Variants in CNTNAP2 observed in about 807,000 individuals in gnomAD.
CNTNAP2 encodes contactin associated protein 2.
In CNTNAP2, 98 loss-of-function variants were observed where a neutral mutation model predicts 155.2. That is an observed-to-expected ratio of 0.63 (90% CI 0.54 to 0.75). CNTNAP2 has a LOEUF of 0.75. Ranked by LOEUF, CNTNAP2 falls within the 30% of genes least tolerant of loss-of-function variation. The pLI is 0.00. For missense variants in CNTNAP2, 1,727 were observed against 1,688.1 expected, an observed-to-expected ratio of 1.02 and a Z score of -0.40; for synonymous variants, 651 against 631.2, an observed-to-expected ratio of 1.03 and a Z score of -0.47.
At chr7:146,921,902 G>T (rs1585158894) in intron 3 of CNTNAP2, among the ~76,000 whole-genome samples, 1 of 152,110 alleles carries the variant, frequency 6.6e-6, no homozygotes, top group Admixed American at 6.6e-5. Flanking sequence ...GTCATTCTAG[G>T]TCCTAGACAG....
At chr7:147,656,680 A>G (rs1341722612) in intron 13 of CNTNAP2, among the ~76,000 whole-genome samples, 1 of 152,176 alleles carries the variant, frequency 6.6e-6, no homozygotes, top group Admixed American at 6.5e-5. Flanking sequence ...ACCATAACAG[A>G]TGTAATAATA....
intron 1 of CNTNAP2, among the ~76,000 whole-genome samples, chr7:146,254,396 A>T (rs1483616010): frequency 6.6e-6 from 1 of 152,246 alleles, no homozygotes; most frequent in African/African-American, 2.4e-5. Context: ...CACATGCCAT[A>T]TTTAAATGTC....
At chr7:147,384,937 C>A (rs771469984) in intron 9 of CNTNAP2, among the ~76,000 whole-genome samples, 3 of 152,012 alleles carry the variant, frequency 2.0e-5, no homozygotes, top group Non-Finnish European at 2.9e-5. Flanking sequence ...CATGACTGAG[C>A]AATTTACAAA....
At chr7:147,410,320 T>C (rs1296490029) in intron 10 of CNTNAP2, among the ~76,000 whole-genome samples, 1 of 152,182 alleles carries the variant, frequency 6.6e-6, no homozygotes, top group African/African-American at 2.4e-5. Context: ...TTCTCACTTA[T>C]AAGTGGGAGC....
chr7:147,422,442 TTCA>T (rs1329787196), intron 10 of CNTNAP2, among the ~76,000 whole-genome samples: 1 of 151,918 alleles, frequency 6.6e-6, no homozygotes, highest in Non-Finnish European at 1.5e-5. Flanking sequence ...GATTATATAA[TTCA>T]TAATATTTAA....
At chr7:147,909,117 C>A (rs1800017674) in intron 14 of CNTNAP2, among the ~76,000 whole-genome samples, 1 of 151,826 alleles carries the variant, frequency 6.6e-6, no homozygotes, top group Non-Finnish European at 1.5e-5. Context: ...TAAATTGGGG[C>A]CCTGAAAAAT....
At chr7:147,056,717 G>A (rs1049063099) in intron 4 of CNTNAP2, among the ~76,000 whole-genome samples, 1 of 152,176 alleles carries the variant, frequency 6.6e-6, no homozygotes, top group African/African-American at 2.4e-5. Context: ...GAGTAATACA[G>A]TGGGGCAAAT....
intron 1 of CNTNAP2, among the ~76,000 whole-genome samples, chr7:146,431,348 C>G (rs936622497): frequency 6.6e-5 from 10 of 152,000 alleles, no homozygotes; most frequent in African/African-American, 2.4e-4. Context: ...AATAACAATT[C>G]TAATTATTAA....
intron 14 of CNTNAP2, among the ~76,000 whole-genome samples, chr7:147,945,246 A>T (rs919089349): frequency 6.6e-6 from 1 of 152,186 alleles, no homozygotes; most frequent in Non-Finnish European, 1.5e-5. Flanking sequence ...ATGAAATGTG[A>T]TGGGTATAAA....
chr7:146,689,550 C>T (rs955305362), intron 1 of CNTNAP2, among the ~76,000 whole-genome samples: 1 of 152,100 alleles, frequency 6.6e-6, no homozygotes, highest in African/African-American at 2.4e-5. Flanking sequence ...ATTTATCTGT[C>T]TGTACCTCAT....
At chr7:148,279,168 A>G (rs556086972) in intron 21 of CNTNAP2, among the ~76,000 whole-genome samples, 4 of 152,236 alleles carry the variant, frequency 2.6e-5, no homozygotes, top group Admixed American at 6.5e-5. Flanking sequence ...AATCCAATTT[A>G]CATATTAGAA....
chr7:147,562,371 G>A, intron 12 of CNTNAP2, 114 bp downstream of exon 12: 3 of 1,282,902 alleles, frequency 2.3e-6, no homozygotes, highest in Non-Finnish European at 3.4e-6. Context: ...CATCTAATCA[G>A]CAACATATTG....
chr7:147,913,496 T>C (rs779283263), intron 14 of CNTNAP2, among the ~76,000 whole-genome samples: 2 of 152,036 alleles, frequency 1.3e-5, no homozygotes, highest in Non-Finnish European at 2.9e-5. Context: ...TTTTTACAGC[T>C]TCAGATTTTT....
chr7:147,972,919 C>T (rs1801358816), intron 14 of CNTNAP2, among the ~76,000 whole-genome samples: 1 of 152,024 alleles, frequency 6.6e-6, no homozygotes, highest in South Asian at 2.1e-4. Flanking sequence ...AGGCTAGGCA[C>T]AGTGGTTCAC....
chr7:148,019,853 C>CT (rs1188148108), intron 15 of CNTNAP2, among the ~76,000 whole-genome samples: 5 of 152,076 alleles, frequency 3.3e-5, no homozygotes, highest in African/African-American at 9.7e-5. Flanking sequence ...ATGGCGTGAT[C>CT]TCAGCTCACT....
rs372046054 is a variant in CNTNAP2, at chr7:148,309,757, G to A, written c.3475+42631G>A. Among the ~76,000 whole-genome samples the A allele has an allele frequency of 9.9e-5, 15 of 152,052 alleles. No individual in the cohort carries two copies. In the East Asian group the frequency reaches 1.3e-3, roughly 14 times the overall value. On this transcript the variant is annotated intron_variant, in intron 21 of 23. Coordinates refer to ENST00000361727, the MANE Select transcript of CNTNAP2 (RefSeq NM_014141.6). The stretch of plus-strand genomic sequence containing the variant: ...AATGTCATGAGTTAAGGCAGGAACC[G>A]GCCATCTGGATGTATACGTGCAGGT...
At chr7:146,446,238 G>A (rs908912570) in intron 1 of CNTNAP2, among the ~76,000 whole-genome samples, 1 of 152,054 alleles carries the variant, frequency 6.6e-6, no homozygotes, top group Admixed American at 6.5e-5. Flanking sequence ...ACAGTATGAA[G>A]CAAATATAGT....
chr7:147,094,399 C>CTTTTTTTTTTTTTTTTTTTT (rs55694542), intron 4 of CNTNAP2, among the ~76,000 whole-genome samples: 4 of 132,962 alleles, frequency 3.0e-5, no homozygotes, highest in Non-Finnish European at 4.7e-5. Flanking sequence ...ATTATTATTC[C>CTTTTTTTTTTTTTTTTTTTT]TTTTTTTTTT....
chr7:148,081,092 C>T (rs1003525560), intron 15 of CNTNAP2, among the ~76,000 whole-genome samples: 3 of 152,100 alleles, frequency 2.0e-5, no homozygotes, highest in African/African-American at 7.2e-5. Context: ...CACAGACTTC[C>T]CTAAAGAAAT....
Sources: gnomAD v4.1 joint callset for allele counts (sites outside exome capture counted in the v4.1 genomes callset) on GRCh38, gnomAD v4.1.1 for gene constraint, MANE v1.5 for transcripts, NCBI Gene and HGNC (gene_info 2026-07-23, HGNC 2026-07-21) for gene names.